The following ATP8B4 variants were observed in gnomAD, a reference collection of about 807,000 sequenced individuals.
The protein encoded by ATP8B4 is ATPase phospholipid transporting 8B4 (putative), also known as probable phospholipid-transporting ATPase IM.
In ATP8B4, 133 loss-of-function variants were observed where a neutral mutation model predicts 145.6. The observed-to-expected ratio is 0.91, with a 90% CI of 0.79 to 1.05. ATP8B4 has a LOEUF of 1.05. ATP8B4 is among the 50% of genes least tolerant of loss of function. The probability of loss-of-function intolerance (pLI) is 0.00; values close to 1 mark genes in which losing one functional copy is unlikely to be tolerated. For missense variants in ATP8B4, 1,458 were observed against 1,425.2 expected, an observed-to-expected ratio of 1.02 and a Z score of -0.37; for synonymous variants, 507 against 492.9, an observed-to-expected ratio of 1.03 and a Z score of -0.38.
intron 6 of ATP8B4, among the ~76,000 whole-genome samples, chr15:50,019,321 T>A (rs1338807436): frequency 6.6e-6 from 1 of 152,204 alleles, no homozygotes; most frequent in African/African-American, 2.4e-5. Flanking sequence ...AGATATTGAT[T>A]GAGACTGGAA....
intron 1 of ATP8B4, among the ~76,000 whole-genome samples, chr15:50,112,844 C>T (rs964453437): frequency 2.6e-5 from 4 of 152,040 alleles, no homozygotes; most frequent in African/African-American, 9.7e-5. Flanking sequence ...GTTTCCTTTC[C>T]GTTTCCCTAA....
chr15:49,996,628 G>A, intron 9 of ATP8B4, 49 bp downstream of exon 9: 1 of 1,410,796 alleles, frequency 7.1e-7, no homozygotes, highest in Non-Finnish European at 9.8e-7. Context: ...TTGTTGCATT[G>A]CTTTTTGGGT....
chr15:50,128,735 TGA>T (rs1341725824), intron 1 of ATP8B4, among the ~76,000 whole-genome samples: 6 of 152,132 alleles, frequency 3.9e-5, no homozygotes, highest in Non-Finnish European at 7.4e-5. Context: ...TTGGAGTGTG[TGA>T]GTTAGTGAAA....
chr15:50,104,885 A>ACACACACACACACACACC (rs1160886629), intron 2 of ATP8B4, among the ~76,000 whole-genome samples: 7 of 150,910 alleles, frequency 4.6e-5, no homozygotes, highest in African/African-American at 7.3e-5. Context: ...ACACACACAC[A>ACACACACACACACACACC]CACCCATATA....
At chr15:49,963,857 C>T (rs894934148) in intron 13 of ATP8B4, among the ~76,000 whole-genome samples, 1 of 151,918 alleles carries the variant, frequency 6.6e-6, no homozygotes, top group African/African-American at 2.4e-5. Flanking sequence ...ACACGTTTAC[C>T]TATGTAACAA....
intron 1 of ATP8B4, among the ~76,000 whole-genome samples, chr15:50,108,417 G>GA (rs1307119815): frequency 6.6e-6 from 1 of 151,684 alleles, no homozygotes; most frequent in Admixed American, 6.6e-5. Context: ...TTGGCCTCAG[G>GA]AAAAAAACTC....
intron 23 of ATP8B4, among the ~76,000 whole-genome samples, chr15:49,887,712 T>C (rs1249393542): frequency 1.3e-5 from 2 of 152,132 alleles, no homozygotes; most frequent in African/African-American, 4.8e-5. Flanking sequence ...TTCACTGTTT[T>C]TTCTATTTAA....
chr15:50,007,358 G>T (rs1370133675), intron 7 of ATP8B4, among the ~76,000 whole-genome samples: 1 of 152,196 alleles, frequency 6.6e-6, no homozygotes, highest in African/African-American at 2.4e-5. Context: ...GAGGATGACT[G>T]TTCCAATGGA....
Position 49,987,524 on chromosome 15 carries a change from G to T in ATP8B4, c.615C>A (p.Asn205Lys). Residue 205 changes from asparagine to lysine, a missense_variant, in exon 10 of 28, where the codon AAC becomes AAA. Physicochemically the swap from Asn to Lys is moderately conservative, Grantham distance 94. Transcript: ENST00000284509. The stretch of plus-strand genomic sequence containing the variant: ...TTCCCATGAATTTATCTAACTTGTT[G>T]TTAGGCACCTCACAGACAACAATCC... ...FDGIVVCEVPNNKLDKFMGIL... is the reference protein window; with the variant it reads ...FDGIVVCEVPKNKLDKFMGIL... The T allele has an allele frequency of 3.1e-6, 5 of 1,613,462 alleles. No individual in the cohort carries two copies. Among genetic ancestry groups the T allele is most frequent in the Non-Finnish European group, 4.2e-6 (5 of 1,179,682 alleles).
chr15:49,932,175 T>A (rs1034026239), intron 15 of ATP8B4, among the ~76,000 whole-genome samples: 3 of 151,942 alleles, frequency 2.0e-5, no homozygotes, highest in African/African-American at 7.2e-5. Flanking sequence ...GTAAACAAGT[T>A]GCATATTAAT....
rs371940933 is a variant in ATP8B4 at position 49,923,371 on chromosome 15, G to A, written c.1758+8C>T. 39 of 1,583,646 alleles carry A rather than the reference G, an allele frequency of 2.5e-5. No individual in the cohort carries two copies. The highest frequency in any genetic ancestry group is 3.2e-5 in the Non-Finnish European group (37 of 1,153,572). On this transcript the variant is annotated splice_region_variant and intron_variant, in intron 17 of 27. Transcript: ENST00000284509. Reference sequence around the variant, plus strand: ...CCATTGTGCTAACCTTAAGACGGAGGCACTTACACTGAGGTGGTCTGACGT... The same window carrying A: ...CCATTGTGCTAACCTTAAGACGGAGACACTTACACTGAGGTGGTCTGACGT...
intron 1 of ATP8B4, among the ~76,000 whole-genome samples, chr15:50,107,728 A>C (rs2056752751): frequency 6.6e-6 from 1 of 152,202 alleles, no homozygotes; most frequent in South Asian, 2.1e-4. Context: ...TCAGTTAGAA[A>C]AAAAATGACT....
rs191177517 is a variant in ATP8B4 at position 49,869,891 on chromosome 15, T to C, written c.3028-3407A>G. ...CTACTATCTTTTTGAGAACGTATTA[T>C]GGCAATATTTATGAAAATTTTAAAT... is the stretch of plus-strand genomic sequence containing the variant. On this transcript the variant is annotated intron_variant, in intron 25 of 27. Transcript: ENST00000284509. Among the ~76,000 whole-genome samples the C allele has an allele frequency of 9.3e-4, 141 of 152,310 alleles. 1 individual carries two copies. Among genetic ancestry groups the C allele is most frequent in the African/African-American group, 2.5e-3 (104 of 41,574 alleles).
chr15:50,161,326 C>G (rs991361053), intron 1 of ATP8B4, among the ~76,000 whole-genome samples: 6 of 152,004 alleles, frequency 3.9e-5, no homozygotes, highest in African/African-American at 1.4e-4. Context: ...CATTCAGCCA[C>G]TGTATGTCTT....
chr15:49,922,524 T>A, intron 17 of ATP8B4: 2 of 329,860 alleles, frequency 6.1e-6, no homozygotes, highest in Non-Finnish European at 1.2e-5. Context: ...AGAGGATTTT[T>A]TTTATTTGTT....
chr15:49,984,627 G>A (rs2046428978), intron 10 of ATP8B4, among the ~76,000 whole-genome samples: 1 of 152,164 alleles, frequency 6.6e-6, no homozygotes, highest in Non-Finnish European at 1.5e-5. Flanking sequence ...AATGCAGCCT[G>A]GAGGAGTAAA....
intron 1 of ATP8B4, among the ~76,000 whole-genome samples, chr15:50,167,125 T>G (rs1453386597): frequency 6.6e-6 from 1 of 152,254 alleles, no homozygotes; most frequent in East Asian, 1.9e-4. Flanking sequence ...TGTCAACTAC[T>G]GGACTTTTTT....
chr15:49,957,152 A>G (rs555636068), intron 14 of ATP8B4, among the ~76,000 whole-genome samples: 18 of 152,280 alleles, frequency 1.2e-4, no homozygotes, highest in African/African-American at 4.3e-4. Context: ...AAATTTATAT[A>G]CATTTCAGAT....
chr15:50,066,809 T>C (rs2053414947), intron 3 of ATP8B4, among the ~76,000 whole-genome samples: 1 of 152,168 alleles, frequency 6.6e-6, no homozygotes, highest in South Asian at 2.1e-4. Flanking sequence ...GGGGTTTTTT[T>C]CTGCCCTCCG....
Sources: gnomAD v4.1 joint callset for allele counts (sites outside exome capture counted in the v4.1 genomes callset) on GRCh38, gnomAD v4.1.1 for gene constraint, MANE v1.5 for transcripts, NCBI Gene and HGNC (gene_info 2026-07-23, HGNC 2026-07-21) for gene names.